Variants in CNKSR2 observed in about 807,000 individuals in gnomAD.
CNKSR2 encodes the protein CNK homolog protein 2.
In CNKSR2, 14 loss-of-function variants were observed where a neutral mutation model predicts 84.4. The observed-to-expected ratio is 0.17, with a 90% CI of 0.11 to 0.26. CNKSR2 has a LOEUF of 0.26. CNKSR2 is among the 10% of genes least tolerant of loss of function. CNKSR2 has a pLI of 1.00. For synonymous variants in CNKSR2, 275 were observed against 277.9 expected (o/e 0.99, Z 0.10); for missense variants, 485 against 771.2 (o/e 0.63, Z 4.40).
intron 5 of CNKSR2, among the ~76,000 whole-genome samples, chrX:21,476,942 G>A (rs1224375506): frequency 8.9e-6 from 1 of 111,828 alleles, no homozygotes; most frequent in Admixed American, 9.5e-5. Flanking sequence ...TAACAAATGA[G>A]TTACAGAGAA....
intron 6 of CNKSR2, chrX:21,494,644 G>GT (rs1345637866): frequency 1.8e-5 from 2 of 111,025 alleles, no homozygotes; most frequent in African/African-American, 6.6e-5. Context: ...TAGTAAGCAT[G>GT]TTCTGGGTGG....
At chrX:21,630,714 C>CATAT (rs60545799) in intron 20 of CNKSR2, among the ~76,000 whole-genome samples, 8,799 of 108,474 alleles carry the variant, frequency 0.081, 395 homozygotes, top group Non-Finnish European at 0.13. Flanking sequence ...CACACACATA[C>CATAT]ATATATATAT....
intron 20 of CNKSR2, among the ~76,000 whole-genome samples, chrX:21,635,404 G>GTA (rs1295574615): frequency 1.5e-4 from 15 of 101,398 alleles, no homozygotes; most frequent in African/African-American, 5.8e-4. Flanking sequence ...GTGTGTGTGT[G>GTA]TGTGTATATA....
At chrX:21,440,555 A>T in intron 3 of CNKSR2, 139 bp from the exon 4 acceptor site, 1 of 300,356 alleles carries the variant, frequency 3.3e-6, no homozygotes. Flanking sequence ...CCTTAAAATA[A>T]GTCCTGAATA....
intron 1 of CNKSR2, 53 bp downstream of exon 1, chrX:21,375,014 GC>G: frequency 1.9e-6 from 2 of 1,046,541 alleles, no homozygotes; most frequent in Non-Finnish European, 2.7e-6. Flanking sequence ...GGGCACCAGT[GC>G]GAGGTTAGGA....
chrX:21,580,388 T>C (rs1468331142), intron 13 of CNKSR2, among the ~76,000 whole-genome samples: 1 of 111,380 alleles, frequency 9.0e-6, no homozygotes, highest in African/African-American at 3.3e-5. Flanking sequence ...AGAGCAAAAA[T>C]ATCAGAATAA....
chrX:21,485,949 A>G (rs1181887522), intron 5 of CNKSR2, among the ~76,000 whole-genome samples: 7 of 111,254 alleles, frequency 6.3e-5, no homozygotes, highest in Non-Finnish European at 1.3e-4. Flanking sequence ...AGCCTGACCA[A>G]TATGATGAAA....
At chrX:21,630,182 T>G (rs149337575) in intron 20 of CNKSR2, among the ~76,000 whole-genome samples, 1,949 of 112,144 alleles carry the variant, frequency 0.017, 46 homozygotes, top group African/African-American at 0.058. Flanking sequence ...ATAGTCTGGA[T>G]TTGAAATGCA....
At chrX:21,387,708 C>T (rs937448970) in intron 1 of CNKSR2, among the ~76,000 whole-genome samples, 1 of 110,503 alleles carries the variant, frequency 9.0e-6, no homozygotes, top group African/African-American at 3.3e-5. Flanking sequence ...GGATGTTTTA[C>T]ATAACAGATG....
chrX:21,483,059 G>A (rs907881144), intron 5 of CNKSR2, among the ~76,000 whole-genome samples: 1 of 111,591 alleles, frequency 9.0e-6, no homozygotes, highest in Non-Finnish European at 1.9e-5. Context: ...AGTTTAAAAA[G>A]TTTTTCTCCT....
At chrX:21,568,719 A>G (rs2092261087) in intron 13 of CNKSR2, among the ~76,000 whole-genome samples, 1 of 111,560 alleles carries the variant, frequency 9.0e-6, no homozygotes, top group Non-Finnish European at 1.9e-5. Context: ...ATACTATCTT[A>G]TTTAAATCTC....
At chrX:21,390,909 C>T (rs1410544113) in intron 1 of CNKSR2, among the ~76,000 whole-genome samples, 2 of 112,067 alleles carry the variant, frequency 1.8e-5, no homozygotes, top group African/African-American at 6.5e-5. Context: ...GGTAAATACA[C>T]CCATTCCAAA....
intron 1 of CNKSR2, among the ~76,000 whole-genome samples, chrX:21,384,370 C>T (rs1366653142): frequency 8.9e-6 from 1 of 112,151 alleles, no homozygotes; most frequent in Non-Finnish European, 1.9e-5. Flanking sequence ...CAGAAGCCTG[C>T]TCTGTTGCCT....
intron 10 of CNKSR2, among the ~76,000 whole-genome samples, chrX:21,527,589 G>A (rs988713358): frequency 9.0e-6 from 1 of 110,911 alleles, no homozygotes; most frequent in Admixed American, 9.6e-5. Flanking sequence ...TCTTGAGGCT[G>A]TATCTCTATT....
chrX:21,638,629 A>G (rs1197341811), intron 20 of CNKSR2, among the ~76,000 whole-genome samples: 3 of 111,759 alleles, frequency 2.7e-5, no homozygotes, highest in Admixed American at 9.6e-5. Flanking sequence ...TAGTAGCTTA[A>G]TAAATATTTA....
At chrX:21,473,990 C>T (rs2091232846) in intron 5 of CNKSR2, among the ~76,000 whole-genome samples, 1 of 108,947 alleles carries the variant, frequency 9.2e-6, no homozygotes, top group Non-Finnish European at 1.9e-5. Flanking sequence ...ACCTCGTGAT[C>T]CACCCACCTC....
At position 21,609,560 on chromosome X, in the gene CNKSR2, G is replaced by A; in HGVS notation, c.2635G>A (p.Glu879Lys). The change falls in exon 20 of 22, where the codon GAG becomes AAG. Residue 879 changes from glutamate to lysine, a missense_variant. This residue lies in a region of CNKSR2 where 210 missense variants were observed against 291.5 expected (regional missense o/e 0.72). Transcript: ENST00000379510. ...DDVQPPEVEE[E>K]EEEEEEEGEA... The stretch of plus-strand genomic sequence containing the variant: ...CGTGCAACCCCCAGAGGTGGAGGAA[G>A]AGGAGGAGGAGGAGGAGGAGGAAGG... 1 of 1,012,695 alleles carries A rather than the reference G, an allele frequency of 9.9e-7. No individual in the cohort carries two copies. Among genetic ancestry groups the A allele is most frequent in the Non-Finnish European group, 1.3e-6 (1 of 757,223 alleles). The allele number at this position is 1,012,695 out of a possible 1,213,427, so 83.5% of individuals were successfully genotyped here. A position where few individuals can be genotyped will look rare whatever the true frequency, so the allele number is the denominator to read the frequency against.
In CNKSR2 at chrX:21,577,707, A is replaced by AT. The variant is rs1303928571; in HGVS notation, c.1609-12865_1609-12864insT. ...AATCAGACATCTCAAGTTTAATAAA[A>AT]CTGTAGGTAGAATTATCTTACCCCT... On this transcript the variant is annotated intron_variant, in intron 13 of 21. Coordinates refer to ENST00000379510, the MANE Select transcript of CNKSR2 (RefSeq NM_014927.5). Among the ~76,000 whole-genome samples, 7 of 110,626 alleles carry AT rather than the reference A, an allele frequency of 6.3e-5. No individual in the cohort carries two copies. In the East Asian group the frequency reaches 1.7e-3, roughly 27 times the overall value.
In CNKSR2 at chrX:21,563,602, G is replaced by A. The variant is rs901053410; in HGVS notation, c.1608+150G>A. On this transcript the variant is annotated intron_variant, in intron 13 of 21. Transcript: ENST00000379510. ...AAGTTTATGCCCTTAAAAAATGATG[G>A]GTAATTGATTTTTTTCTTAAGTTTA... 1.1e-3 allele frequency: 478 copies of A among 437,449 alleles called. 4 individuals are homozygous for A. The highest frequency in any genetic ancestry group is 6.4e-4 in the South Asian group (12 of 18,768). The allele number at this position is 437,449 out of a possible 1,213,427, so 36.1% of individuals were successfully genotyped here.
Sources: gnomAD v4.1 joint callset for allele counts (sites outside exome capture counted in the v4.1 genomes callset) on GRCh38, gnomAD v4.1.1 for gene constraint, gnomAD v4.1.1 regional missense constraint, MANE v1.5 for transcripts, NCBI Gene and HGNC (gene_info 2026-07-23, HGNC 2026-07-21) for gene names.